Variants in MTHFD2L observed in about 807,000 individuals in gnomAD.
MTHFD2L encodes methylenetetrahydrofolate dehydrogenase (NADP+ dependent) 2 like.
Under a neutral mutation model 34.9 loss-of-function variants are expected in MTHFD2L, and 29 were observed. The observed-to-expected ratio is 0.83, with a 90% confidence interval of 0.62 to 1.13. The LOEUF (loss-of-function observed/expected upper bound fraction) is 1.13, where lower values mean the gene tolerates loss of function less well. MTHFD2L is among the 50% of genes most tolerant of loss of function. The pLI, the probability that MTHFD2L is intolerant of heterozygous loss-of-function variation, is 0.00. For synonymous variants in MTHFD2L, 167 were observed against 155.7 expected, an observed-to-expected ratio of 1.07 and a Z score of -0.54; for missense variants, 481 against 446.5, an observed-to-expected ratio of 1.08 and a Z score of -0.70.
intron 6 of MTHFD2L, among the ~76,000 whole-genome samples, chr4:74,229,421 T>C (rs1739671229): frequency 6.6e-6 from 1 of 152,146 alleles, no homozygotes; most frequent in African/African-American, 2.4e-5. Flanking sequence ...CGGGGAGGGC[T>C]AGATCACTGT....
At chr4:74,282,891 A>G (rs986706254) in intron 7 of MTHFD2L, among the ~76,000 whole-genome samples, 1 of 152,136 alleles carries the variant, frequency 6.6e-6, no homozygotes, top group African/African-American at 2.4e-5. Context: ...TCACTAGGGA[A>G]TGACCTCATT....
intron 5 of MTHFD2L, among the ~76,000 whole-genome samples, chr4:74,215,379 C>T (rs544530390): frequency 6.6e-5 from 10 of 151,810 alleles, no homozygotes; most frequent in Non-Finnish European, 1.0e-4. Context: ...GTGGGAAAAG[C>T]GTAGTATCTG....
chr4:74,227,082 C>T (rs1356734216), intron 6 of MTHFD2L, among the ~76,000 whole-genome samples: 1 of 152,050 alleles, frequency 6.6e-6, no homozygotes, highest in Non-Finnish European at 1.5e-5. Flanking sequence ...ATGAAGATGG[C>T]CTCACCTGTG....
At chr4:74,158,401 G>GGTC (rs1392324280) in intron 1 of MTHFD2L, 120 bp downstream of exon 1, 1 of 762,608 alleles carries the variant, frequency 1.3e-6, no homozygotes, top group African/African-American at 1.9e-5. Context: ...CGGCGGGCTG[G>GGTC]GTCGAGGACA....
intron 1 of MTHFD2L, among the ~76,000 whole-genome samples, chr4:74,132,657 C>T (rs1043399983): frequency 2.6e-5 from 4 of 152,058 alleles, no homozygotes; most frequent in Non-Finnish European, 4.4e-5. Flanking sequence ...TTGATGGGTG[C>T]AGCAAACCAC....
chr4:74,223,061 G>A (rs910446504), intron 5 of MTHFD2L, among the ~76,000 whole-genome samples: 6 of 151,956 alleles, frequency 3.9e-5, no homozygotes, highest in Non-Finnish European at 8.8e-5. Flanking sequence ...GCTGCCATTC[G>A]ACCCAGCAAT....
chr4:74,255,139 A>AG (rs1296307301), intron 6 of MTHFD2L, among the ~76,000 whole-genome samples: 25 of 144,386 alleles, frequency 1.7e-4, no homozygotes, highest in African/African-American at 6.4e-4. Context: ...CCATCTCCAA[A>AG]AAAAAAAAAA....
rs10585551 is a variant in MTHFD2L at position 74,291,003 on chromosome 4, C to CTTTTTTTTTTTTTTTTTTTTTTTTTT, written c.931+9460_931+9485dup. Among the ~76,000 whole-genome samples, 148 of 29,278 alleles carry CTTTTTTTTTTTTTTTTTTTTTTTTTT rather than the reference C, an allele frequency of 5.1e-3. 48 individuals carry two copies. The highest frequency in any genetic ancestry group is 0.062 in the Middle Eastern group (2 of 32). 19.2% of individuals were successfully genotyped at this position (29,278 alleles called of 152,430 possible). ...CTGTCTTACATTTATTTTTCCTTTTCTTTTTTTTTTTTTTTTTTTTTTTTT... is the reference window on the plus strand; with the variant it reads ...CTGTCTTACATTTATTTTTCCTTTTCTTTTTTTTTTTTTTTTTTTTTTTTTTTTTTTTTTTTTTTTTTTTTTTTTTT... On this transcript the variant is annotated intron_variant, in intron 7 of 7. Coordinates refer to ENST00000325278, the MANE Select transcript of MTHFD2L (RefSeq NM_001144978.3).
intron 5 of MTHFD2L, among the ~76,000 whole-genome samples, chr4:74,222,111 G>C (rs1227644525): frequency 6.6e-6 from 1 of 151,834 alleles, no homozygotes; most frequent in East Asian, 1.9e-4. Context: ...GTTGATTCCT[G>C]TTATTACATA....
chr4:74,189,948 T>G (rs1474123133), intron 3 of MTHFD2L, among the ~76,000 whole-genome samples: 1 of 152,136 alleles, frequency 6.6e-6, no homozygotes, highest in Non-Finnish European at 1.5e-5. Context: ...ACCCTCATCA[T>G]TCATTTACCA....
chr4:74,289,877 G>T (rs1223756718), intron 7 of MTHFD2L, among the ~76,000 whole-genome samples: 3 of 152,150 alleles, frequency 2.0e-5, no homozygotes, highest in African/African-American at 7.2e-5. Context: ...AATCTTAAAG[G>T]TTCAATGAAT....
chr4:74,169,305 T>C (rs1334959452), intron 1 of MTHFD2L, among the ~76,000 whole-genome samples: 1 of 152,232 alleles, frequency 6.6e-6, no homozygotes, highest in East Asian at 1.9e-4. Flanking sequence ...GGAATCAGTT[T>C]ATGCTATTGG....
Position 74,198,884 on chromosome 4 carries a change from G to GTAAA in MTHFD2L, c.452-910_452-909insTAAA, listed in dbSNP as rs566453810. On this transcript the variant is annotated intron_variant, in intron 3 of 7. Transcript: ENST00000325278. ...ATTATGGTTAATTAGCTTGACTTAAGGTAGCAGTAGCACACTTTTAGAATA... is the reference window on the plus strand; with the variant it reads ...ATTATGGTTAATTAGCTTGACTTAAGTAAAGTAGCAGTAGCACACTTTTAGAATA... 2.2e-3 allele frequency among the ~76,000 whole-genome samples: 186 copies of GTAAA among 85,986 alleles called. 2 individuals are homozygous for GTAAA. The highest frequency in any genetic ancestry group is 7.5e-3 in the African/African-American group (174 of 23,288). 56.4% of individuals were successfully genotyped at this position (85,986 alleles called of 152,430 possible).
At chr4:74,139,352 G>A (rs182905822) in intron 1 of MTHFD2L, among the ~76,000 whole-genome samples, 1 of 152,178 alleles carries the variant, frequency 6.6e-6, no homozygotes, top group African/African-American at 2.4e-5. Flanking sequence ...CTCTGATTTG[G>A]CATCTCCTTT....
intron 5 of MTHFD2L, among the ~76,000 whole-genome samples, chr4:74,221,598 A>C (rs1738200256): frequency 6.6e-6 from 1 of 151,900 alleles, no homozygotes; most frequent in Admixed American, 6.6e-5. Context: ...TGCTTTCAAC[A>C]TTTCTAAATT....
intron 2 of MTHFD2L, among the ~76,000 whole-genome samples, chr4:74,117,015 G>A (rs544047223): frequency 1.5e-4 from 23 of 152,334 alleles, no homozygotes; most frequent in South Asian, 8.3e-4. Context: ...GAAATGTTTG[G>A]CAATAGCTGA....
At chr4:74,229,583 A>C (rs1739694048) in intron 6 of MTHFD2L, among the ~76,000 whole-genome samples, 3 of 152,204 alleles carry the variant, frequency 2.0e-5, no homozygotes, top group South Asian at 2.1e-4. Context: ...CACAAGCTTG[A>C]AGAAAGTAAA....
Position 74,301,719 on chromosome 4 carries a change from TATCACTCCAGTTCCAGGAGGTGTG to T in MTHFD2L, c.955_978del (p.Ile319_Val326del). The T allele has an allele frequency of 6.3e-7, 1 of 1,591,490 alleles. No individual in the cohort carries two copies. Among genetic ancestry groups the T allele is most frequent in the Non-Finnish European group, 8.5e-7 (1 of 1,169,936 alleles). ...CAGCTGTTAAAAAGAAAGCTGGCTTTATCACTCCAGTTCCAGGAGGTGTGGGACCCATGACAGTGGCAATGCTTC... is the reference window on the plus strand; with the variant it reads ...CAGCTGTTAAAAAGAAAGCTGGCTTTGGACCCATGACAGTGGCAATGCTTC... On this transcript the variant is annotated inframe_deletion, in exon 8 of 8. Transcript: ENST00000325278.
At chr4:74,217,860 G>T (rs1373005444) in intron 5 of MTHFD2L, among the ~76,000 whole-genome samples, 9 of 152,072 alleles carry the variant, frequency 5.9e-5, no homozygotes, top group African/African-American at 1.7e-4. Context: ...AGTGGGAAAG[G>T]ATACAAAAAG....
Sources: gnomAD v4.1 joint callset for allele counts (sites outside exome capture counted in the v4.1 genomes callset) on GRCh38, gnomAD v4.1.1 for gene constraint, MANE v1.5 for transcripts, NCBI Gene and HGNC (gene_info 2026-07-23, HGNC 2026-07-21) for gene names.